Variants in CNTNAP2 observed in about 807,000 individuals in gnomAD.
CNTNAP2 encodes contactin associated protein 2.
A neutral mutation model predicts 155.2 loss-of-function variants in CNTNAP2; 98 were observed. The ratio of observed to expected loss-of-function variants is 0.63; its 90% CI spans 0.54 to 0.75. The LOEUF (loss-of-function observed/expected upper bound fraction) is 0.75, where lower values mean the gene tolerates loss of function less well. Ranked by LOEUF, CNTNAP2 falls within the 30% of genes least tolerant of loss-of-function variation. The probability of loss-of-function intolerance (pLI) is 0.00; values close to 1 mark genes in which losing one functional copy is unlikely to be tolerated. For synonymous variants in CNTNAP2, 651 were observed against 631.2 expected, an observed-to-expected ratio of 1.03 and a Z score of -0.47; for missense variants, 1,727 against 1,688.1, an observed-to-expected ratio of 1.02 and a Z score of -0.40.
At chr7:148,135,407 C>T (rs1382990968) in intron 16 of CNTNAP2, among the ~76,000 whole-genome samples, 1 of 152,208 alleles carries the variant, frequency 6.6e-6, no homozygotes, top group African/African-American at 2.4e-5. Flanking sequence ...TAAATTTCCA[C>T]ACATTCTGAT....
chr7:146,550,401 G>GTTC (rs1798097750), intron 1 of CNTNAP2, among the ~76,000 whole-genome samples: 1 of 54,382 alleles, frequency 1.8e-5, no homozygotes, highest in African/African-American at 7.1e-5. Context: ...CCATTAATCT[G>GTTC]TTTTTTTTTT....
At chr7:147,866,768 G>A (rs756016158) in intron 13 of CNTNAP2, among the ~76,000 whole-genome samples, 2 of 113,302 alleles carry the variant, frequency 1.8e-5, no homozygotes, top group African/African-American at 6.7e-5. Flanking sequence ...TTTGTTTTTT[G>A]TTGTTGTTGT....
intron 11 of CNTNAP2, among the ~76,000 whole-genome samples, chr7:147,536,441 G>C (rs1799540617): frequency 1.3e-5 from 2 of 152,142 alleles, no homozygotes; most frequent in Admixed American, 6.5e-5. Context: ...AGAACTTCCT[G>C]GTCCTCGTGC....
chr7:147,151,990 T>C (rs1801836990), intron 8 of CNTNAP2, among the ~76,000 whole-genome samples: 1 of 152,096 alleles, frequency 6.6e-6, no homozygotes, highest in Non-Finnish European at 1.5e-5. Context: ...GATCTAGTTA[T>C]GGAAAAAAAT....
intron 1 of CNTNAP2, among the ~76,000 whole-genome samples, chr7:146,204,015 ATT>A (rs1463764727): frequency 3.3e-5 from 5 of 152,158 alleles, no homozygotes; most frequent in Non-Finnish European, 7.4e-5. Flanking sequence ...TTAATAAATT[ATT>A]GATGGCATCA....
In CNTNAP2 at chr7:147,080,284, A is replaced by G. The variant is rs143162503; in HGVS notation, c.551-27863A>G. On this transcript the variant is annotated intron_variant, in intron 4 of 23. Coordinates refer to ENST00000361727, the MANE Select transcript of CNTNAP2 (RefSeq NM_014141.6). ...CCACTGTGAAAACATGGGAATAATTATCCAACGTAAACATGTCATTTCTTT... is the reference window on the plus strand; with the variant it reads ...CCACTGTGAAAACATGGGAATAATTGTCCAACGTAAACATGTCATTTCTTT... Among the ~76,000 whole-genome samples the G allele has an allele frequency of 1.3e-4, 20 of 152,330 alleles. No homozygotes were observed. In the East Asian group the frequency reaches 3.5e-3, roughly 26 times the overall value.
intron 10 of CNTNAP2, among the ~76,000 whole-genome samples, chr7:147,434,825 G>A (rs1477131383): frequency 6.6e-6 from 1 of 152,188 alleles, no homozygotes; most frequent in Non-Finnish European, 1.5e-5. Flanking sequence ...ACTAAGCTGT[G>A]CAGACTATGC....
chr7:147,533,727 CCTTA>C (rs1371445369), intron 11 of CNTNAP2, among the ~76,000 whole-genome samples: 2 of 147,764 alleles, frequency 1.4e-5, no homozygotes, highest in African/African-American at 2.5e-5. Context: ...AAAAAAAGCA[CCTTA>C]CTTTTTACTT....
intron 21 of CNTNAP2, among the ~76,000 whole-genome samples, chr7:148,332,529 T>C (rs1422106438): frequency 6.6e-6 from 1 of 152,214 alleles, no homozygotes; most frequent in East Asian, 1.9e-4. Flanking sequence ...AGCGTGGCCC[T>C]TCTGAACTCC....
intron 15 of CNTNAP2, among the ~76,000 whole-genome samples, chr7:148,080,634 G>C (rs893915069): frequency 1.4e-5 from 2 of 143,696 alleles, no homozygotes; most frequent in Non-Finnish European, 3.1e-5. Context: ...GAAAAGAAAA[G>C]AAAACTGATA....
At chr7:146,244,165 G>A (rs1215743670) in intron 1 of CNTNAP2, among the ~76,000 whole-genome samples, 6 of 152,204 alleles carry the variant, frequency 3.9e-5, no homozygotes, top group African/African-American at 1.2e-4. Context: ...CAGGACATCT[G>A]ATTAGAGAGT....
intron 11 of CNTNAP2, among the ~76,000 whole-genome samples, chr7:147,502,096 C>A (rs1483763987): frequency 6.6e-6 from 1 of 151,960 alleles, no homozygotes; most frequent in Non-Finnish European, 1.5e-5. Flanking sequence ...GAAAGATAAC[C>A]CATGTTCTCA....
intron 15 of CNTNAP2, among the ~76,000 whole-genome samples, chr7:148,046,149 T>C (rs1229450656): frequency 2.6e-5 from 4 of 152,276 alleles, no homozygotes; most frequent in South Asian, 4.1e-4. Context: ...AATATGATCA[T>C]GGCTCACTGC....
chr7:146,479,448 A>G (rs1796926985), intron 1 of CNTNAP2, among the ~76,000 whole-genome samples: 1 of 152,208 alleles, frequency 6.6e-6, no homozygotes, highest in African/African-American at 2.4e-5. Context: ...CATATTAGCT[A>G]TATCACATAA....
intron 1 of CNTNAP2, among the ~76,000 whole-genome samples, chr7:146,440,256 G>A (rs1159157060): frequency 1.3e-5 from 2 of 151,720 alleles, no homozygotes; most frequent in Non-Finnish European, 1.5e-5. Context: ...ACTTAGTGGA[G>A]TAAAAGTAAA....
In CNTNAP2 at chr7:147,431,053, A is replaced by C. The variant is rs548897855; in HGVS notation, c.1670+35273A>C. ...GCGACAGAGTGAGACTCCATCTCAAAAAAAAAAAAAAAGATACATGGGATG... is the reference window on the plus strand; with the variant it reads ...GCGACAGAGTGAGACTCCATCTCAACAAAAAAAAAAAAGATACATGGGATG... On this transcript the variant is annotated intron_variant, in intron 10 of 23. Transcript: ENST00000361727. 3.0e-4 allele frequency among the ~76,000 whole-genome samples: 44 copies of C among 147,700 alleles called. 1 individual carries two copies. Among genetic ancestry groups the C allele is most frequent in the African/African-American group, 1.0e-3 (41 of 39,202 alleles).
intron 1 of CNTNAP2, among the ~76,000 whole-genome samples, chr7:146,486,911 C>T (rs1797067111): frequency 6.6e-6 from 1 of 152,150 alleles, no homozygotes; most frequent in Non-Finnish European, 1.5e-5. Context: ...TCTAAGAAAA[C>T]ATTGCATCTT....
chr7:147,996,032 G>C (rs533551763), intron 15 of CNTNAP2, among the ~76,000 whole-genome samples: 1 of 152,184 alleles, frequency 6.6e-6, no homozygotes, highest in Non-Finnish European at 1.5e-5. Flanking sequence ...CCCTTCTGAG[G>C]CTGTGAGGGT....
At chr7:146,942,647 G>A (rs1797079218) in intron 3 of CNTNAP2, among the ~76,000 whole-genome samples, 1 of 151,970 alleles carries the variant, frequency 6.6e-6, no homozygotes, top group Non-Finnish European at 1.5e-5. Flanking sequence ...ACACAGGAGT[G>A]GCCAATGAAA....
Sources: allele counts gnomAD v4.1 joint callset (sites outside exome capture counted in the v4.1 genomes callset), GRCh38; gene constraint gnomAD v4.1.1; transcripts MANE v1.5; gene names NCBI Gene and HGNC (gene_info 2026-07-23, HGNC 2026-07-21).